The following CTSC variants were observed in gnomAD, a reference collection of about 807,000 sequenced individuals.
The protein encoded by CTSC is cathepsin C.
A neutral mutation model predicts 40.9 loss-of-function variants in CTSC; 37 were observed. The ratio of observed to expected loss-of-function variants is 0.91; its 90% confidence interval spans 0.70 to 1.19. The LOEUF is 1.19. Among genes scored for constraint, CTSC ranks in the 50% most tolerant of loss-of-function variants. CTSC has a pLI of 0.00. For missense variants in CTSC, 594 were observed against 567.3 expected, an observed-to-expected ratio of 1.05 and a Z score of -0.48; for synonymous variants, 232 against 207.4, an observed-to-expected ratio of 1.12 and a Z score of -1.02.
rs1478070840 is a variant in CTSC, at chr11:88,294,221, G to C, written c.1177C>G (p.Leu393Val). 1 of 1,613,898 alleles carries C rather than the reference G, an allele frequency of 6.2e-7. No individual in the cohort carries two copies. Among genetic ancestry groups the C allele is most frequent in the Non-Finnish European group, 8.5e-7 (1 of 1,180,004 alleles). ...YKKGIYHHTG[L>V]RDPFNPFELT... ...TCAAAGGGGTTGAAAGGGTCTCTTAGACCAGTGTGGTGGTAGATCCCCTTT... is the reference window on the plus strand; with the variant it reads ...TCAAAGGGGTTGAAAGGGTCTCTTACACCAGTGTGGTGGTAGATCCCCTTT... The change falls in exon 7 of 7, where the codon CTA (leucine) becomes GTA (valine). Residue 393 changes from leucine to valine, a missense_variant. Transcript: ENST00000227266.
At chr11:88,335,488 G>T (rs1938469836) in intron 1 of CTSC, among the ~76,000 whole-genome samples, 1 of 152,184 alleles carries the variant, frequency 6.6e-6, no homozygotes, top group Admixed American at 6.5e-5. Flanking sequence ...AGCTGAGGTG[G>T]AAGGATTGCT....
At chr11:88,329,096 A>G (rs1335458307) in intron 2 of CTSC, among the ~76,000 whole-genome samples, 1 of 152,160 alleles carries the variant, frequency 6.6e-6, no homozygotes, top group African/African-American at 2.4e-5. Flanking sequence ...TTAATCTTCA[A>G]AATAAAATCT....
At position 88,312,434 on chromosome 11, in the gene CTSC, C is replaced by G. The variant is rs1411381964; in HGVS notation, c.439G>C (p.Glu147Gln). The change falls in exon 3 of 7, where the codon GAG becomes CAG. Residue 147 changes from glutamate (E) to glutamine (Q), a missense_variant. By Grantham distance (29) the Glu-to-Gln change is conservative. Coordinates refer to ENST00000227266, the MANE Select transcript of CTSC (RefSeq NM_001814.6). ...TGTGCTATGTTGACATACACATTCT[C>G]AGAGGCAGTTCCCACCTTCTTTCCG... ...FTGKKVGTAS[E>Q]NVYVNIAHLK... is the part of the protein sequence containing the mutation. 1 of 1,614,182 alleles carries G rather than the reference C, an allele frequency of 6.2e-7. No homozygotes were observed. Among genetic ancestry groups the G allele is most frequent in the Non-Finnish European group, 8.5e-7 (1 of 1,180,020 alleles).
chr11:88,334,839 T>A lies in CTSC; in HGVS notation c.318+98A>T. 3.3e-6 allele frequency: 3 copies of A among 919,578 alleles called. No individual in the cohort carries two copies. The South Asian group carries it at 4.1e-5, about 13-fold the overall frequency. The allele number at this position is 919,578 out of a possible 1,614,324, so 57.0% of individuals were successfully genotyped here. ...AGAGTGGTGTCAATTCCGGTCATCTTCTTAATCTAAAATTAAAATTCTGAG... is the reference window on the plus strand; with the variant it reads ...AGAGTGGTGTCAATTCCGGTCATCTACTTAATCTAAAATTAAAATTCTGAG... On this transcript the variant is annotated intron_variant, in intron 2 of 6. Coordinates refer to ENST00000227266, the MANE Select transcript of CTSC (RefSeq NM_001814.6).
chr11:88,331,038 G>A (rs891838273), intron 2 of CTSC, among the ~76,000 whole-genome samples: 3 of 152,212 alleles, frequency 2.0e-5, no homozygotes, highest in South Asian at 4.1e-4. Flanking sequence ...CTAAAAGAAT[G>A]CTGTGGTGTG....
intron 2 of CTSC, among the ~76,000 whole-genome samples, chr11:88,316,269 G>C (rs1430018368): frequency 6.6e-6 from 1 of 152,112 alleles, no homozygotes; most frequent in Non-Finnish European, 1.5e-5. Context: ...GTGTGATCCT[G>C]AGCAAGTCAC....
At chr11:88,335,921 A>C (rs1263966861) in intron 1 of CTSC, among the ~76,000 whole-genome samples, 1 of 152,164 alleles carries the variant, frequency 6.6e-6, no homozygotes, top group Non-Finnish European at 1.5e-5. Context: ...AGAACCTCAT[A>C]ATCTGAATCC....
At chr11:88,314,865 C>A (rs917037858) in intron 2 of CTSC, among the ~76,000 whole-genome samples, 3 of 152,210 alleles carry the variant, frequency 2.0e-5, no homozygotes, top group African/African-American at 7.2e-5. Flanking sequence ...ATGTCTGCTT[C>A]TAGTGAAGAA....
At chr11:88,302,765 T>C (rs1385557351) in intron 4 of CTSC, among the ~76,000 whole-genome samples, 1 of 152,140 alleles carries the variant, frequency 6.6e-6, no homozygotes, top group East Asian at 1.9e-4. Flanking sequence ...CACTAGTTAA[T>C]TGTTCACTAA....
intron 2 of CTSC, among the ~76,000 whole-genome samples, chr11:88,330,973 G>C (rs181670199): frequency 1.4e-3 from 211 of 152,338 alleles, no homozygotes; most frequent in African/African-American, 5.0e-3. Context: ...AAGAAGCTGT[G>C]TCTCTCCTGG....
intron 2 of CTSC, chr11:88,324,436 C>A: frequency 2.0e-6 from 2 of 980,424 alleles, no homozygotes; most frequent in Non-Finnish European, 2.4e-6. Flanking sequence ...TGATAATATT[C>A]TTTAGAGCAG....
Position 88,296,218 on chromosome 11 carries a change from T to C in CTSC, c.804A>G (p.Glu268=), listed in dbSNP as rs1264570336. 3 of 1,613,966 alleles carry C rather than the reference T, an allele frequency of 1.9e-6. No homozygotes were observed. Among genetic ancestry groups the C allele is most frequent in the Non-Finnish European group, 1.7e-6 (2 of 1,179,964 alleles). The change falls in exon 6 of 7, where the codon GAA becomes GAG. Residue 268 remains glutamate (E), a synonymous_variant. Transcript: ENST00000227266. ...TGTTGGTTAGTATACGGATTCTCGC[T>C]TCTAGCATACCCATAGAAGCAAATG... is the stretch of plus-strand genomic sequence containing the variant. The part of the protein sequence containing the change: ...CYSFASMGML[E]ARIRILTNNS...
rs781582172 is a variant in CTSC, at chr11:88,335,002, T to C, written c.253A>G (p.Thr85Ala). 6.2e-7 allele frequency: 1 copy of C among 1,609,914 alleles called. No individual in the cohort carries two copies. The highest frequency in any genetic ancestry group is 1.7e-5 in the Admixed American group (1 of 59,902). ...TCAAAGCCTTGGTTGTAAATGATGG[T>C]GAAATGGCCAGAATTGCCAAGGTCA... Reference protein sequence around the residue: ...YDDLGNSGHFTIIYNQGFEIV... With the variant: ...YDDLGNSGHFAIIYNQGFEIV... Residue 85 changes from threonine to alanine, a missense_variant, in exon 2 of 7, where the codon ACC becomes GCC. Thr to Ala is a moderately conservative substitution (Grantham distance 58, BLOSUM62 0). Transcript: ENST00000227266.
chr11:88,294,266 C>T lies in CTSC; in HGVS notation c.1132G>A (p.Asp378Asn). Residue 378 changes from aspartate (D) to asparagine (N), a missense_variant, in exon 7 of 7, where the codon GAT becomes AAT. Physicochemically the swap from Asp to Asn is conservative, Grantham distance 23. Coordinates refer to ENST00000227266, the MANE Select transcript of CTSC (RefSeq NM_001814.6). ...CCCTTTTTGTAGTGGAGGAAGTCAT[C>T]ATATACTTCAAAAGCAACTGCCATG... is the stretch of plus-strand genomic sequence containing the variant. ...GPMAVAFEVYDDFLHYKKGIY... is the reference protein window; with the variant it reads ...GPMAVAFEVYNDFLHYKKGIY... The T allele has an allele frequency of 6.2e-7, 1 of 1,614,086 alleles. No homozygotes were observed. The highest frequency in any genetic ancestry group is 8.5e-7 in the Non-Finnish European group (1 of 1,180,022).
intron 3 of CTSC, among the ~76,000 whole-genome samples, chr11:88,311,983 TAAG>T (rs1303080131): frequency 1.3e-5 from 2 of 152,226 alleles, no homozygotes; most frequent in Admixed American, 1.3e-4. Flanking sequence ...GCATAAATAC[TAAG>T]AACTTTGATT....
At chr11:88,326,411 A>C (rs1938189539) in intron 2 of CTSC, 1 of 1,613,638 alleles carries the variant, frequency 6.2e-7, no homozygotes, top group African/African-American at 1.3e-5. Context: ...TGTGGTTTTA[A>C]AAGAGTCCCT....
chr11:88,297,301 G>C (rs1201180013), intron 5 of CTSC: 1 of 152,226 alleles, frequency 6.6e-6, no homozygotes, highest in Non-Finnish European at 1.5e-5. Context: ...GAATGTCAAA[G>C]AACATTGTAC....
In CTSC at chr11:88,326,526, T is replaced by A. The variant is rs1247498845; in HGVS notation, c.318+8411A>T. The A allele has an allele frequency of 1.1e-4, 75 of 669,088 alleles. No individual in the cohort carries two copies. The highest frequency in any genetic ancestry group is 4.1e-4 in the Middle Eastern group (1 of 2,438). The allele number at this position is 669,088 out of a possible 1,614,324, so 41.4% of individuals were successfully genotyped here. A position where few individuals can be genotyped will look rare whatever the true frequency, so the allele number is the denominator to read the frequency against. ...ATTTAATCATATCAGTTTCTTTAAG[T>A]AAAAAAAAAAAAAAATACCAGCACT... On this transcript the variant is annotated intron_variant, in intron 2 of 6. Transcript: ENST00000227266.
chr11:88,319,805 C>A lies in CTSC; in HGVS notation c.319-7251G>T, dbSNP rs188795938. On this transcript the variant is annotated intron_variant, in intron 2 of 6. Coordinates refer to ENST00000227266, the MANE Select transcript of CTSC (RefSeq NM_001814.6). The stretch of plus-strand genomic sequence containing the variant: ...AAAAATTTAGACATCCAAGTCTAAT[C>A]CATCAAGATGATTTGTAATTTTGAA... Among the ~76,000 whole-genome samples, 5 of 152,160 alleles carry A rather than the reference C, an allele frequency of 3.3e-5. No homozygotes were observed. The South Asian group carries it at 6.2e-4, about 19-fold the overall frequency.
Sources: allele counts gnomAD v4.1 joint callset (sites outside exome capture counted in the v4.1 genomes callset), GRCh38; gene constraint gnomAD v4.1.1; transcripts MANE v1.5; gene names NCBI Gene and HGNC (gene_info 2026-07-23, HGNC 2026-07-21).